Variants in ARHGEF9 observed in about 807,000 individuals in gnomAD.
ARHGEF9 encodes the protein rho guanine nucleotide exchange factor 9.
In ARHGEF9, 2 loss-of-function variants were observed where a neutral mutation model predicts 41.3. The ratio of observed to expected loss-of-function variants is 0.05; its 90% CI spans 0.02 to 0.15. The LOEUF is 0.15. ARHGEF9 is among the 10% of genes least tolerant of loss of function. The pLI, the probability that ARHGEF9 is intolerant of heterozygous loss-of-function variation, is 1.00. For synonymous variants in ARHGEF9, 160 were observed against 154.4 expected (o/e 1.04, Z -0.27); for missense variants, 225 against 424.7 (o/e 0.53, Z 4.13).
chrX:63,665,287 G>T (rs1416914095), intron 7 of ARHGEF9, among the ~76,000 whole-genome samples: 1 of 112,566 alleles, frequency 8.9e-6, no homozygotes, highest in South Asian at 3.7e-4. Context: ...TCAGTGACAA[G>T]AGTAAGACCT....
At chrX:63,638,478 C>T (rs1228298080) in intron 9 of ARHGEF9, 2 of 402,901 alleles carry the variant, frequency 5.0e-6, no homozygotes, top group Non-Finnish European at 8.6e-6. Flanking sequence ...CAGGTGAGAA[C>T]ACTGATATCT....
intron 1 of ARHGEF9, chrX:63,755,924 C>G: frequency 1.5e-6 from 1 of 672,961 alleles, no homozygotes; most frequent in Non-Finnish European, 1.8e-6. Context: ...TGAAGGGAAG[C>G]CAGCATAGGG....
At chrX:63,740,044 G>C in intron 1 of ARHGEF9, among the ~76,000 whole-genome samples, 1 of 111,881 alleles carries the variant, frequency 8.9e-6, no homozygotes, top group Non-Finnish European at 1.9e-5. Flanking sequence ...CTTAGAGCCA[G>C]AGCTGGCACT....
intron 4 of ARHGEF9, among the ~76,000 whole-genome samples, chrX:63,686,372 G>A (rs1204155834): frequency 9.0e-6 from 1 of 111,309 alleles, no homozygotes; most frequent in Non-Finnish European, 1.9e-5. Flanking sequence ...GTGAGCAGGT[G>A]AGAAGGGAGA....
chrX:63,722,051 A>G (rs2053662078), intron 2 of ARHGEF9, among the ~76,000 whole-genome samples: 1 of 112,466 alleles, frequency 8.9e-6, no homozygotes, highest in African/African-American at 3.2e-5. Flanking sequence ...CAGGTAACAA[A>G]GCATTTTTAC....
In ARHGEF9 at chrX:63,656,286, G is replaced by A. The variant is rs1462835484; in HGVS notation, c.1078-549C>T. ...GCCCAGTCTGCCAAGAGAAATGGAG[G>A]TAAAATTAAATAAAGAAGTTCACAT... On this transcript the variant is annotated intron_variant, in intron 7 of 9. Transcript: ENST00000671741. 3.6e-5 allele frequency among the ~76,000 whole-genome samples: 4 copies of A among 111,328 alleles called. No individual in the cohort carries two copies. The Admixed American group carries it at 3.8e-4, about 11-fold the overall frequency.
intron 1 of ARHGEF9, chrX:63,756,008 G>T (rs2055918619): frequency 4.4e-6 from 1 of 227,446 alleles, no homozygotes; most frequent in Admixed American, 9.3e-5. Context: ...TCTGTGACCT[G>T]GTATCTAGAG....
intron 2 of ARHGEF9, among the ~76,000 whole-genome samples, chrX:63,720,102 G>A (rs1187914508): frequency 1.8e-5 from 2 of 111,690 alleles, no homozygotes; most frequent in African/African-American, 6.5e-5. Flanking sequence ...TATATTTCTG[G>A]AGGATGTGTG....
At position 63,644,009 on chromosome X, in the gene ARHGEF9, A is replaced by T; in HGVS notation, c.1361T>A (p.Met454Lys). ...ISENQKRQAAMTVRKVPKQKG... is the reference protein window; with the variant it reads ...ISENQKRQAAKTVRKVPKQKG... ...TTGCTTAGGGACTTTTCTCACAGTC[A>T]TTGCAGCCTGCCTCTTCTGGTTTTC... is the stretch of plus-strand genomic sequence containing the variant. The change falls in exon 9 of 10, where the codon ATG becomes AAG. Residue 454 changes from methionine (M) to lysine (K), a missense_variant. Around this residue, in one of 3 missense-constraint regions of ARHGEF9, gnomAD observed 75 missense variants for 113.2 expected, o/e 0.66. Coordinates refer to ENST00000671741, the MANE Select transcript of ARHGEF9 (RefSeq NM_001353921.2). The T allele has an allele frequency of 8.3e-7, 1 of 1,211,020 alleles. No homozygotes were observed. The highest frequency in any genetic ancestry group is 1.1e-6 in the Non-Finnish European group (1 of 895,205).
In ARHGEF9 at chrX:63,637,896, G is replaced by A. The variant is rs2047393060; in HGVS notation, c.*132C>T. The A allele has an allele frequency of 4.4e-6, 2 of 459,028 alleles. No homozygotes were observed. Among genetic ancestry groups the A allele is most frequent in the Non-Finnish European group, 7.4e-6 (2 of 271,712 alleles). The allele number at this position is 459,028 out of a possible 1,213,427, so 37.8% of individuals were successfully genotyped here. On this transcript the variant is annotated 3_prime_UTR_variant, in exon 10 of 10. Coordinates refer to ENST00000671741, the MANE Select transcript of ARHGEF9 (RefSeq NM_001353921.2). ...TGTGTGTGTGTCTGTGTGTGTGTGTGTGTATGTGTACTCAAGGGTCTCTGT... is the reference window on the plus strand; with the variant it reads ...TGTGTGTGTGTCTGTGTGTGTGTGTATGTATGTGTACTCAAGGGTCTCTGT...
chrX:63,742,329 A>G (rs2055013115), intron 1 of ARHGEF9, among the ~76,000 whole-genome samples: 1 of 111,304 alleles, frequency 9.0e-6, no homozygotes, highest in South Asian at 3.8e-4. Context: ...GGTTCCTCTC[A>G]CTGTTACCCA....
intron 1 of ARHGEF9, among the ~76,000 whole-genome samples, chrX:63,782,264 A>G (rs111537285): frequency 0.024 from 2,671 of 111,737 alleles, 53 homozygotes; most frequent in African/African-American, 0.051. Context: ...ACCCGATAGT[A>G]CCTATAAAAA....
chrX:63,774,970 G>GCA (rs2056267669), intron 1 of ARHGEF9, among the ~76,000 whole-genome samples: 1 of 111,275 alleles, frequency 9.0e-6, no homozygotes, highest in Non-Finnish European at 1.9e-5. Context: ...AAATCAATAA[G>GCA]CACACACACA....
intron 4 of ARHGEF9, among the ~76,000 whole-genome samples, chrX:63,681,776 C>A (rs1405477656): frequency 9.0e-6 from 1 of 110,572 alleles, no homozygotes; most frequent in African/African-American, 3.3e-5. Context: ...GGAAAAAAAT[C>A]AACAAAACTA....
At chrX:63,765,177 A>T (rs1556451212) in intron 1 of ARHGEF9, among the ~76,000 whole-genome samples, 1 of 110,674 alleles carries the variant, frequency 9.0e-6, no homozygotes, top group Non-Finnish European at 1.9e-5. Context: ...ACCTCCCAAA[A>T]GCAGAGTGGA....
intron 1 of ARHGEF9, among the ~76,000 whole-genome samples, chrX:63,765,528 C>T (rs1178935760): frequency 9.0e-6 from 1 of 110,980 alleles, no homozygotes; most frequent in Non-Finnish European, 1.9e-5. Context: ...TTGTACCTCA[C>T]AAAAGCCCAA....
At chrX:63,723,094 A>C (rs1556414732) in intron 2 of ARHGEF9, among the ~76,000 whole-genome samples, 1 of 111,291 alleles carries the variant, frequency 9.0e-6, no homozygotes, top group Non-Finnish European at 1.9e-5. Context: ...TGATACATGG[A>C]CCTTCTTGGA....
intron 1 of ARHGEF9, chrX:63,755,015 T>C: frequency 1.1e-6 from 1 of 938,426 alleles, no homozygotes; most frequent in Non-Finnish European, 1.3e-6. Flanking sequence ...CCTACTCCCT[T>C]TACTTCGCTC....
chrX:63,710,242 A>C (rs1485236178), intron 2 of ARHGEF9, among the ~76,000 whole-genome samples: 3 of 106,746 alleles, frequency 2.8e-5, no homozygotes, highest in Non-Finnish European at 3.9e-5. Flanking sequence ...ACCTATAACA[A>C]GAAAAAGATT....
Sources: allele counts gnomAD v4.1 joint callset (sites outside exome capture counted in the v4.1 genomes callset), GRCh38; gene constraint gnomAD v4.1.1; regional missense constraint gnomAD v4.1.1; transcripts MANE v1.5; gene names NCBI Gene and HGNC (gene_info 2026-07-23, HGNC 2026-07-21).